Variants in WDR27 observed in about 807,000 individuals in gnomAD.
The protein encoded by WDR27 is WD repeat-containing protein 27.
A neutral mutation model predicts 114.4 loss-of-function variants in WDR27; 100 were observed. The ratio of observed to expected loss-of-function variants is 0.87; its 90% CI spans 0.74 to 1.03. The LOEUF (loss-of-function observed/expected upper bound fraction) is 1.03. Ranked by LOEUF, WDR27 falls within the 50% of genes least tolerant of loss-of-function variation. The pLI is 0.00. For synonymous variants in WDR27, 449 were observed against 423.1 expected, an observed-to-expected ratio of 1.06 and a Z score of -0.75; for missense variants, 1,129 against 1,092.9, an observed-to-expected ratio of 1.03 and a Z score of -0.47.
At chr6:169,583,243 T>G (rs1425217441) in intron 23 of WDR27, among the ~76,000 whole-genome samples, 6 of 151,180 alleles carry the variant, frequency 4.0e-5, no homozygotes. Flanking sequence ...ATGACTAATT[T>G]TAAGGAAGGA....
At chr6:169,634,348 C>T (rs1023416532) in intron 20 of WDR27, 80 bp downstream of exon 20, 3 of 1,041,376 alleles carry the variant, frequency 2.9e-6, no homozygotes, top group East Asian at 2.6e-5. Flanking sequence ...CTGACACTCA[C>T]GAGATGCTCA....
At chr6:169,578,317 G>A (rs958106461) in intron 24 of WDR27, among the ~76,000 whole-genome samples, 17 of 152,136 alleles carry the variant, frequency 1.1e-4, no homozygotes, top group African/African-American at 3.1e-4. Flanking sequence ...ACAATGGCAC[G>A]GGCTTATCTT....
chr6:169,544,911 A>T (rs969752196), intron 25 of WDR27, among the ~76,000 whole-genome samples: 2 of 152,244 alleles, frequency 1.3e-5, no homozygotes, highest in African/African-American at 4.8e-5. Flanking sequence ...ATCAAATATC[A>T]AAATAAATGG....
chr6:169,440,947 T>A, the WDR27 span, among the ~76,000 whole-genome samples: 1 of 152,284 alleles, frequency 6.6e-6, no homozygotes, highest in South Asian at 2.1e-4. Context: ...AAAACCTTTG[T>A]ACAAATTAAA....
At chr6:169,591,252 C>T (rs1293984804) in intron 23 of WDR27, among the ~76,000 whole-genome samples, 1 of 152,174 alleles carries the variant, frequency 6.6e-6, no homozygotes, top group African/African-American at 2.4e-5. Context: ...CATTGGCCAT[C>T]TGTATGTGTT....
intron 25 of WDR27, among the ~76,000 whole-genome samples, chr6:169,473,765 A>G (rs575850789): frequency 6.6e-6 from 1 of 152,334 alleles, no homozygotes; most frequent in Admixed American, 6.5e-5. Flanking sequence ...ATTCACTGAT[A>G]GGTGTTCTCC....
At chr6:169,585,622 T>C (rs1804391760) in intron 23 of WDR27, among the ~76,000 whole-genome samples, 1 of 152,214 alleles carries the variant, frequency 6.6e-6, no homozygotes, top group Admixed American at 6.5e-5. Context: ...GCTATATGTA[T>C]TAATACTTTA....
chr6:169,675,271 A>T (rs561746200), intron 2 of WDR27, among the ~76,000 whole-genome samples: 1 of 152,162 alleles, frequency 6.6e-6, no homozygotes, highest in African/African-American at 2.4e-5. Context: ...AGATCTGATC[A>T]TTTAAAAGTG....
At chr6:169,672,846 C>T (rs147489303) in intron 2 of WDR27, among the ~76,000 whole-genome samples, 107 of 152,186 alleles carry the variant, frequency 7.0e-4, no homozygotes, top group African/African-American at 2.5e-3. Flanking sequence ...CCAGGTGTGG[C>T]GACCTTGGCA....
chr6:169,549,125 C>A (rs561447013), intron 25 of WDR27, among the ~76,000 whole-genome samples: 1 of 151,992 alleles, frequency 6.6e-6, no homozygotes, highest in Non-Finnish European at 1.5e-5. Flanking sequence ...AGCCACAAAC[C>A]GGGAGAAAAT....
intron 25 of WDR27, among the ~76,000 whole-genome samples, chr6:169,522,188 T>C (rs1384360108): frequency 2.0e-5 from 3 of 152,004 alleles, no homozygotes; most frequent in Non-Finnish European, 4.4e-5. Flanking sequence ...TAGCTATACT[T>C]ATATCAGATA....
At chr6:169,427,441 C>CT in the WDR27 span, among the ~76,000 whole-genome samples, 1 of 56,206 alleles carries the variant, frequency 1.8e-5, no homozygotes, top group African/African-American at 3.8e-5. Flanking sequence ...GGACCGTGGG[C>CT]CCCCCATCTT....
In WDR27 at chr6:169,664,264, T is replaced by C. The variant is rs1827151578; in HGVS notation, c.806A>G (p.Asp269Gly). The C allele has an allele frequency of 1.2e-6, 2 of 1,613,912 alleles. No homozygotes were observed. Among genetic ancestry groups the C allele is most frequent in the Admixed American group, 1.7e-5 (1 of 60,024 alleles). ...DGQLWIFSLM[D>G]GHHYRRVARV... Reference sequence around the variant, plus strand: ...TGCCACACGACGATAATGGTGTCCATCCATCAAACTGAAGATCCAAAGCTA... The same window carrying C: ...TGCCACACGACGATAATGGTGTCCACCCATCAAACTGAAGATCCAAAGCTA... The change falls in exon 8 of 26, where the codon GAT (aspartate) becomes GGT (glycine). Residue 269 changes from aspartate to glycine, a missense_variant. By Grantham distance (94) the Asp-to-Gly change is moderately conservative. Coordinates refer to ENST00000448612, the MANE Select transcript of WDR27 (RefSeq NM_182552.5).
intron 15 of WDR27, among the ~76,000 whole-genome samples, chr6:169,648,494 T>C (rs942000663): frequency 5.3e-5 from 8 of 152,230 alleles, no homozygotes; most frequent in African/African-American, 1.9e-4. Flanking sequence ...AAGGCCTGAA[T>C]GCATTTTGCT....
rs369885067 is a variant in WDR27, at chr6:169,668,561, C to T, written c.457-376G>A. The T allele has an allele frequency of 1.6e-3, 301 of 184,636 alleles. 1 individual carries two copies. Among genetic ancestry groups the T allele is most frequent in the Non-Finnish European group, 2.5e-3 (224 of 88,248 alleles). 11.4% of individuals were successfully genotyped at this position (184,636 alleles called of 1,614,324 possible). A position where few individuals can be genotyped will look rare whatever the true frequency, so the allele number is the denominator to read the frequency against. On this transcript the variant is annotated intron_variant, in intron 4 of 25. Transcript: ENST00000448612. ...TTCCTCCTCAAGTCCCTAAAACCTC[C>T]GACAGCCAAGACAGCACCCCAGAAG...
Position 169,535,649 on chromosome 6 carries a change from C to T in WDR27, c.2645+36770G>A, listed in dbSNP as rs547294553. On this transcript the variant is annotated intron_variant, in intron 25 of 25. Coordinates refer to ENST00000448612, the MANE Select transcript of WDR27 (RefSeq NM_182552.5). ...TGTACTTAATGCAGCTTAAAACGAC[C>T]ATGTCGTTTAACTTAACCATGTGCA... Among the ~76,000 whole-genome samples, 49 of 152,232 alleles carry T rather than the reference C, an allele frequency of 3.2e-4. 1 individual carries two copies. Among genetic ancestry groups the T allele is most frequent in the Middle Eastern group, 6.8e-3 (2 of 294 alleles).
rs568817804 is a variant in WDR27, at chr6:169,490,034, C to T, written c.2646-32400G>A. Among the ~76,000 whole-genome samples the T allele has an allele frequency of 7.2e-5, 11 of 152,314 alleles. 1 individual carries two copies. The South Asian group carries it at 2.3e-3, about 32-fold the overall frequency. On this transcript the variant is annotated intron_variant, in intron 25 of 25. Coordinates refer to ENST00000448612, the MANE Select transcript of WDR27 (RefSeq NM_182552.5). ...AAGTTGGCCTGGGGAAAGGCCCTCC[C>T]ACAGGGGTCGCTCCTGAACAGGACA...
At chr6:169,498,234 T>C (rs978625404) in intron 25 of WDR27, among the ~76,000 whole-genome samples, 3 of 152,140 alleles carry the variant, frequency 2.0e-5, no homozygotes, top group Non-Finnish European at 2.9e-5. Flanking sequence ...ATCTCTCATC[T>C]ATTCAGAAAC....
chr6:169,641,606 A>T (rs1028212608), intron 17 of WDR27, among the ~76,000 whole-genome samples: 13 of 152,334 alleles, frequency 8.5e-5, no homozygotes, highest in Admixed American at 2.0e-4. Flanking sequence ...CATAAGCAGC[A>T]TGGAGGCCGG....
Sources: allele counts gnomAD v4.1 joint callset (sites outside exome capture counted in the v4.1 genomes callset), GRCh38; gene constraint gnomAD v4.1.1; transcripts MANE v1.5; gene names NCBI Gene and HGNC (gene_info 2026-07-23, HGNC 2026-07-21).